The following GALNT17 variants were observed in gnomAD, a reference collection of about 807,000 sequenced individuals.
GALNT17 encodes the protein polypeptide N-acetylgalactosaminyltransferase 17.
A neutral mutation model predicts 63.7 loss-of-function variants in GALNT17; 29 were observed. The observed-to-expected ratio is 0.46, with a 90% CI of 0.34 to 0.62. GALNT17 has a LOEUF of 0.62. Ranked by LOEUF, GALNT17 falls within the 20% of genes least tolerant of loss-of-function variation. GALNT17 has a pLI of 0.01. For synonymous variants in GALNT17, 305 were observed against 318.3 expected (o/e 0.96, Z 0.45); for missense variants, 603 against 799.6 (o/e 0.75, Z 2.97).
At chr7:71,533,042 A>C (rs868184642) in intron 5 of GALNT17, among the ~76,000 whole-genome samples, 23 of 152,182 alleles carry the variant, frequency 1.5e-4, no homozygotes, top group African/African-American at 5.1e-4. Flanking sequence ...CAGACGAAGA[A>C]ATTTAGAAAT....
chr7:71,390,204 A>G (rs1181058053), intron 3 of GALNT17, among the ~76,000 whole-genome samples: 3 of 152,166 alleles, frequency 2.0e-5, no homozygotes, highest in Non-Finnish European at 4.4e-5. Context: ...TTACCCTGCA[A>G]GCTGCTCCGT....
At chr7:71,294,645 C>T (rs1392602822) in intron 1 of GALNT17, among the ~76,000 whole-genome samples, 2 of 152,076 alleles carry the variant, frequency 1.3e-5, no homozygotes, top group African/African-American at 2.4e-5. Context: ...GAACTCCTGA[C>T]CTCAGGTAAT....
intron 5 of GALNT17, among the ~76,000 whole-genome samples, chr7:71,424,559 A>C (rs540151133): frequency 6.6e-6 from 1 of 152,366 alleles, no homozygotes; most frequent in African/African-American, 2.4e-5. Flanking sequence ...TCAAGAAAGT[A>C]GAGTCATGAT....
intron 5 of GALNT17, among the ~76,000 whole-genome samples, chr7:71,557,197 T>C (rs980702612): frequency 1.3e-5 from 2 of 152,066 alleles, no homozygotes. Context: ...TGGTATTAAT[T>C]ACTTTCTTTT....
Position 71,388,286 on chromosome 7 carries a change from C to G in GALNT17, c.474C>G (p.Phe158Leu). 1 of 1,614,044 alleles carries G rather than the reference C, an allele frequency of 6.2e-7. No homozygotes were observed. The highest frequency in any genetic ancestry group is 8.5e-7 in the Non-Finnish European group (1 of 1,180,006). ...SKDLPQISII[F>L]IFVNEALSVI... ...ACCTGCCCCAGATATCCATCATATT[C>G]ATCTTCGTGAACGAGGCCCTGTCGG... Residue 158 changes from phenylalanine to leucine, a missense_variant, in exon 3 of 11, where the codon TTC (phenylalanine) becomes TTG (leucine). Around this residue, in one of 3 missense-constraint regions of GALNT17, gnomAD observed 195 missense variants for 215.0 expected, o/e 0.91. Coordinates refer to ENST00000333538, the MANE Select transcript of GALNT17 (RefSeq NM_022479.3).
At chr7:71,688,414 A>G (rs985187323) in intron 9 of GALNT17, among the ~76,000 whole-genome samples, 46 of 152,104 alleles carry the variant, frequency 3.0e-4, no homozygotes, top group African/African-American at 1.1e-3. Flanking sequence ...CCTCCATGCA[A>G]TGCAGTTTTA....
intron 1 of GALNT17, 59 bp downstream of exon 1, chr7:71,133,099 GC>G: frequency 2.1e-6 from 3 of 1,395,840 alleles, no homozygotes; most frequent in South Asian, 1.5e-5. Context: ...CACAGGGTGA[GC>G]CCCAGGGTCC....
intron 1 of GALNT17, among the ~76,000 whole-genome samples, chr7:71,326,157 T>G (rs922215549): frequency 6.6e-6 from 1 of 152,200 alleles, no homozygotes; most frequent in Non-Finnish European, 1.5e-5. Flanking sequence ...ATGTGAAACC[T>G]ATGTATTAAA....
chr7:71,466,711 C>G (rs1280399822), intron 5 of GALNT17, among the ~76,000 whole-genome samples: 1 of 152,174 alleles, frequency 6.6e-6, no homozygotes, highest in African/African-American at 2.4e-5. Flanking sequence ...TTGACTCAAG[C>G]ATTTCTTTAT....
chr7:71,143,532 G>A (rs1413347449), intron 1 of GALNT17, among the ~76,000 whole-genome samples: 2 of 152,148 alleles, frequency 1.3e-5, no homozygotes, highest in African/African-American at 2.4e-5. Context: ...GTGGGGACAT[G>A]TAAGTGAGGA....
At chr7:71,486,379 TAA>T (rs1787910060) in intron 5 of GALNT17, among the ~76,000 whole-genome samples, 2 of 133,490 alleles carry the variant, frequency 1.5e-5, no homozygotes, top group Non-Finnish European at 3.2e-5. Flanking sequence ...ATAATAATAA[TAA>T]TAATAATAGT....
At chr7:71,567,271 A>G (rs1789364708) in intron 5 of GALNT17, among the ~76,000 whole-genome samples, 1 of 152,072 alleles carries the variant, frequency 6.6e-6, no homozygotes, top group African/African-American at 2.4e-5. Flanking sequence ...TCCAGGGTGA[A>G]CCTGCTACAC....
chr7:71,410,174 G>A (rs1291147649), intron 3 of GALNT17, among the ~76,000 whole-genome samples: 1 of 152,104 alleles, frequency 6.6e-6, no homozygotes, highest in East Asian at 1.9e-4. Context: ...GATGAAACAG[G>A]TCAGAGACTA....
intron 5 of GALNT17, among the ~76,000 whole-genome samples, chr7:71,460,729 G>C (rs1787438230): frequency 6.6e-6 from 1 of 152,170 alleles, no homozygotes; most frequent in African/African-American, 2.4e-5. Context: ...ATTTCTTGAT[G>C]ATACGCTAAA....
intron 1 of GALNT17, among the ~76,000 whole-genome samples, chr7:71,262,174 C>T (rs1471524743): frequency 2.0e-5 from 3 of 151,636 alleles, no homozygotes; most frequent in African/African-American, 4.8e-5. Flanking sequence ...TGCAGTGGTG[C>T]GATCATAGCT....
chr7:71,295,823 G>A (rs1361990922), intron 1 of GALNT17, among the ~76,000 whole-genome samples: 2 of 151,956 alleles, frequency 1.3e-5, no homozygotes, highest in Non-Finnish European at 2.9e-5. Flanking sequence ...TCAAACACCT[G>A]GCCTCAAGCA....
intron 1 of GALNT17, among the ~76,000 whole-genome samples, chr7:71,157,615 G>A (rs1277193802): frequency 1.3e-5 from 2 of 151,740 alleles, no homozygotes; most frequent in Non-Finnish European, 2.9e-5. Flanking sequence ...CCGAGATTGC[G>A]CCACTGCTTT....
rs1049468426 is a variant in GALNT17, at chr7:71,682,525, A to T, written c.1500+5219A>T. Among the ~76,000 whole-genome samples, 4 of 152,248 alleles carry T rather than the reference A, an allele frequency of 2.6e-5. No individual in the cohort carries two copies. In the South Asian group the frequency reaches 8.3e-4, roughly 32 times the overall value. On this transcript the variant is annotated intron_variant, in intron 9 of 10. Transcript: ENST00000333538. ...CTGGATGGCATAATTTCAGGACAAC[A>T]TGGTCAGAACTTTTCTTTCTTTTCT...
At chr7:71,135,712 T>C (rs1787772375) in intron 1 of GALNT17, among the ~76,000 whole-genome samples, 1 of 152,208 alleles carries the variant, frequency 6.6e-6, no homozygotes, top group Admixed American at 6.5e-5. Context: ...CCCAACAGTC[T>C]GCTGCCTACA....
Sources: gnomAD v4.1 joint callset for allele counts (sites outside exome capture counted in the v4.1 genomes callset) on GRCh38, gnomAD v4.1.1 for gene constraint, gnomAD v4.1.1 regional missense constraint, MANE v1.5 for transcripts, NCBI Gene and HGNC (gene_info 2026-07-23, HGNC 2026-07-21) for gene names.